FIP1L1: variants seen among roughly 807,000 people sequenced by gnomAD.
FIP1L1 encodes factor interacting with PAPOLA and CPSF1, also known as pre-mRNA 3'-end-processing factor FIP1.
In FIP1L1, 21 loss-of-function variants were observed where a neutral mutation model predicts 84.6. The ratio of observed to expected loss-of-function variants is 0.25; its 90% CI spans 0.18 to 0.36. FIP1L1 has a LOEUF of 0.36. Among genes scored for constraint, FIP1L1 ranks in the 10% least tolerant of loss-of-function variants. The probability of loss-of-function intolerance (pLI) is 1.00; values close to 1 mark genes in which losing one functional copy is unlikely to be tolerated. For synonymous variants in FIP1L1, 263 were observed against 242.3 expected, an observed-to-expected ratio of 1.09 and a Z score of -0.80; for missense variants, 526 against 751.1, an observed-to-expected ratio of 0.70 and a Z score of 3.50.
intron 12 of FIP1L1, 133 bp from the exon 13 acceptor site, chr4:53,427,894 T>G (rs1055657863): frequency 2.9e-6 from 2 of 699,356 alleles, no homozygotes; most frequent in African/African-American, 3.6e-5. Context: ...ACTATTACTC[T>G]CCCCCCAAAA....
At chr4:53,398,641 A>G (rs1238898560) in intron 9 of FIP1L1, among the ~76,000 whole-genome samples, 4 of 150,948 alleles carry the variant, frequency 2.6e-5, no homozygotes, top group Non-Finnish European at 5.9e-5. Flanking sequence ...GATATTATTT[A>G]AGTGTAAGGA....
chr4:53,437,699 TTTTATTTA>T (rs142843702), intron 13 of FIP1L1, among the ~76,000 whole-genome samples: 19 of 150,604 alleles, frequency 1.3e-4, no homozygotes, highest in Admixed American at 3.3e-4. Flanking sequence ...TCAAGGTAGT[TTTTATTTA>T]TTTATTTATT....
chr4:53,399,271 T>C (rs147824269), intron 9 of FIP1L1, among the ~76,000 whole-genome samples: 2 of 152,312 alleles, frequency 1.3e-5, no homozygotes, highest in East Asian at 1.9e-4. Flanking sequence ...ATTATTCACA[T>C]TTGTGTTACA....
At chr4:53,397,026 A>G (rs1747769286) in intron 9 of FIP1L1, among the ~76,000 whole-genome samples, 1 of 152,248 alleles carries the variant, frequency 6.6e-6, no homozygotes, top group Admixed American at 6.5e-5. Flanking sequence ...GAGAGTTCTA[A>G]GACATTCAAA....
chr4:53,389,941 C>A, intron 6 of FIP1L1, 68 bp downstream of exon 6: 1 of 1,093,376 alleles, frequency 9.1e-7, no homozygotes. Flanking sequence ...GTCTTAATAG[C>A]TTTTTTTTTT....
At chr4:53,404,698 G>A (rs1436899012) in intron 10 of FIP1L1, among the ~76,000 whole-genome samples, 6 of 151,956 alleles carry the variant, frequency 3.9e-5, no homozygotes, top group African/African-American at 1.5e-4. Context: ...TTTAATGATC[G>A]CCATTCTAAC....
chr4:53,391,115 A>G lies in FIP1L1; in HGVS notation c.612A>G (p.Val204=), dbSNP rs1273776966. The change falls in exon 8 of 18, where the codon GTA becomes GTG. Residue 204 remains valine (V), a synonymous_variant. Transcript: ENST00000337488. ...GAATGGGACTTGAAGTTATACCAGT[A>G]ACCTCTACTACAAATAAAATTACGG... ...RIRMGLEVIP[V]TSTTNKITAE... 1 of 1,609,494 alleles carries G rather than the reference A, an allele frequency of 6.2e-7. No homozygotes were observed. Among genetic ancestry groups the G allele is most frequent in the South Asian group, 1.1e-5 (1 of 89,940 alleles).
intron 13 of FIP1L1, among the ~76,000 whole-genome samples, chr4:53,430,408 G>A (rs889442594): frequency 2.8e-5 from 4 of 144,700 alleles, no homozygotes; most frequent in African/African-American, 1.1e-4. Flanking sequence ...GAGTGCAGTG[G>A]TGCGGTCTCA....
chr4:53,423,893 A>G (rs896834399), intron 11 of FIP1L1, among the ~76,000 whole-genome samples: 8 of 152,216 alleles, frequency 5.3e-5, no homozygotes, highest in African/African-American at 1.7e-4. Context: ...TAAGAGGTGA[A>G]TACTTCCATG....
chr4:53,414,564 G>T (rs1758614247), intron 10 of FIP1L1, 51 bp from the exon 11 acceptor site: 1 of 1,244,552 alleles, frequency 8.0e-7, no homozygotes. Context: ...GAACAAGGGG[G>T]GTCAGAGACA....
chr4:53,416,028 T>C (rs1578607021), intron 11 of FIP1L1, among the ~76,000 whole-genome samples: 3 of 152,350 alleles, frequency 2.0e-5, no homozygotes, highest in Middle Eastern at 6.8e-3. Context: ...AAATTCTATT[T>C]GAAAAACCAG....
At chr4:53,391,335 C>G (rs1744152341) in intron 8 of FIP1L1, 95 bp from the exon 9 acceptor site, 1 of 1,226,002 alleles carries the variant, frequency 8.2e-7, no homozygotes, top group Non-Finnish European at 1.2e-6. Context: ...TTCTTACTTT[C>G]AAATCACAGA....
At chr4:53,431,737 G>T (rs76594108) in intron 13 of FIP1L1, among the ~76,000 whole-genome samples, 1 of 152,118 alleles carries the variant, frequency 6.6e-6, no homozygotes, top group African/African-American at 2.4e-5. Flanking sequence ...AAATTCCCTG[G>T]TTTAGATGAT....
intron 11 of FIP1L1, among the ~76,000 whole-genome samples, chr4:53,419,807 A>G (rs887151348): frequency 2.2e-4 from 34 of 152,082 alleles, no homozygotes; most frequent in African/African-American, 6.5e-4. Context: ...GAAAGCACCT[A>G]TTTCAGGGCT....
chr4:53,379,822 G>A (rs1489875635), intron 3 of FIP1L1, among the ~76,000 whole-genome samples: 1 of 152,142 alleles, frequency 6.6e-6, no homozygotes, highest in South Asian at 2.1e-4. Flanking sequence ...TTTTACCCCA[G>A]ATTTCAAAAA....
chr4:53,435,009 T>C (rs973281174), intron 13 of FIP1L1, among the ~76,000 whole-genome samples: 3 of 152,210 alleles, frequency 2.0e-5, no homozygotes, highest in Non-Finnish European at 4.4e-5. Flanking sequence ...TTGGTCTTAC[T>C]CAACAGATTA....
Position 53,414,650 on chromosome 4 carries a change from C to T in FIP1L1, c.851C>T (p.Ala284Val). The T allele has an allele frequency of 6.2e-7, 1 of 1,613,174 alleles. No individual in the cohort carries two copies. Among genetic ancestry groups the T allele is most frequent in the Non-Finnish European group, 8.5e-7 (1 of 1,179,408 alleles). ...STSSQSQTST[A>V]SRKANSSVGK... ...TCTTCTCAGTCTCAGACAAGTACTGCCTCCAGAAAAGCCAATTCAAGCGTT... is the reference window on the plus strand; with the variant it reads ...TCTTCTCAGTCTCAGACAAGTACTGTCTCCAGAAAAGCCAATTCAAGCGTT... Residue 284 changes from alanine to valine, a missense_variant, in exon 11 of 18, where the codon GCC (alanine) becomes GTC (valine). Ala to Val is a moderately conservative substitution (Grantham distance 64). This residue lies in a region of FIP1L1 where 80 missense variants were observed against 151.1 expected (regional missense o/e 0.53). Coordinates refer to ENST00000337488, the MANE Select transcript of FIP1L1 (RefSeq NM_030917.4).
At chr4:53,452,858 G>T in intron 15 of FIP1L1, 62 bp from the exon 16 acceptor site, 2 of 1,219,146 alleles carry the variant, frequency 1.6e-6, no homozygotes. Context: ...ACACATTTTT[G>T]GTGGGCATTT....
intron 16 of FIP1L1, among the ~76,000 whole-genome samples, chr4:53,455,610 C>A (rs560876388): frequency 8.5e-5 from 13 of 152,066 alleles, no homozygotes; most frequent in African/African-American, 3.1e-4. Flanking sequence ...CTTATGGTAC[C>A]CCTAAACAGT....
Sources: allele counts gnomAD v4.1 joint callset (sites outside exome capture counted in the v4.1 genomes callset), GRCh38; gene constraint gnomAD v4.1.1; regional missense constraint gnomAD v4.1.1; transcripts MANE v1.5; gene names NCBI Gene and HGNC (gene_info 2026-07-23, HGNC 2026-07-21).